Variants in TSNARE1 observed in about 807,000 individuals in gnomAD.
TSNARE1 encodes t-SNARE domain containing 1.
A neutral mutation model predicts 62.0 loss-of-function variants in TSNARE1; 49 were observed. The observed-to-expected ratio is 0.79, with a 90% CI of 0.63 to 1.00. TSNARE1 has a LOEUF of 1.00. TSNARE1 is among the 50% of genes least tolerant of loss of function. The probability of loss-of-function intolerance (pLI) is 0.00; values close to 1 mark genes in which losing one functional copy is unlikely to be tolerated. For missense variants in TSNARE1, 755 were observed against 700.1 expected (o/e 1.08, Z -0.88); for synonymous variants, 328 against 294.4 (o/e 1.11, Z -1.17).
At chr8:142,312,638 T>C (rs1827774164) in intron 9 of TSNARE1, among the ~76,000 whole-genome samples, 1 of 152,182 alleles carries the variant, frequency 6.6e-6, no homozygotes, top group African/African-American at 2.4e-5. Flanking sequence ...TCCTGTAAAG[T>C]ACTTGTTGCT....
At chr8:142,229,613 G>C in intron 12 of TSNARE1, 34 bp from the exon 13 acceptor site, 1 of 1,601,048 alleles carries the variant, frequency 6.2e-7, no homozygotes, top group Non-Finnish European at 8.5e-7. Flanking sequence ...TCCATATCCT[G>C]GTCCTCCAAC....
intron 12 of TSNARE1, among the ~76,000 whole-genome samples, chr8:142,239,399 G>A (rs1817582198): frequency 6.6e-6 from 1 of 152,160 alleles, no homozygotes; most frequent in Non-Finnish European, 1.5e-5. Flanking sequence ...GAAGTTGGAA[G>A]GGAGTAATCA....
chr8:142,300,219 C>T (rs1374362266), intron 10 of TSNARE1: 1 of 385,556 alleles, frequency 2.6e-6, no homozygotes, highest in Non-Finnish European at 4.7e-6. Flanking sequence ...CCAGCATAGA[C>T]CCCAGCTCCT....
intron 1 of TSNARE1, among the ~76,000 whole-genome samples, chr8:142,379,255 T>G (rs1307106892): frequency 6.6e-6 from 1 of 151,994 alleles, no homozygotes; most frequent in African/African-American, 2.4e-5. Context: ...CGTCACGGAG[T>G]AGGCACCACA....
At chr8:142,337,222 G>A (rs1057105690) in intron 4 of TSNARE1, among the ~76,000 whole-genome samples, 4 of 152,196 alleles carry the variant, frequency 2.6e-5, no homozygotes. Context: ...GAATAATACT[G>A]AGATGATAAA....
chr8:142,276,367 A>G, intron 11 of TSNARE1: 3 of 985,464 alleles, frequency 3.0e-6, no homozygotes, highest in Non-Finnish European at 3.6e-6. Context: ...GGTGTGACGG[A>G]TCCCCCCACA....
In TSNARE1 at chr8:142,319,230, G is replaced by C. The variant is rs192041486; in HGVS notation, c.894-596C>G. Among the ~76,000 whole-genome samples, 3 of 152,068 alleles carry C rather than the reference G, an allele frequency of 2.0e-5. No homozygotes were observed. Among genetic ancestry groups the C allele is most frequent in the African/African-American group, 7.2e-5 (3 of 41,414 alleles). On this transcript the variant is annotated intron_variant, in intron 6 of 13. Coordinates refer to ENST00000524325, the MANE Select transcript of TSNARE1 (RefSeq NM_145003.5). This position sits in a 1 kb window ranked among gnomAD's most constrained non-coding sequence, Gnocchi z 4.9. ...CCCTCCCTGCAGAAAGGCCCGTCTC[G>C]GGGTCAGCTCCCCTCGGAAAGCCAG...
intron 10 of TSNARE1, among the ~76,000 whole-genome samples, chr8:142,296,995 ACT>A (rs1824864729): frequency 6.6e-6 from 1 of 151,822 alleles, no homozygotes; most frequent in Non-Finnish European, 1.5e-5. Flanking sequence ...GGCCCGCTAC[ACT>A]CTGCCTACGG....
intron 11 of TSNARE1, among the ~76,000 whole-genome samples, chr8:142,281,256 A>C (rs1188120796): frequency 6.6e-6 from 1 of 152,042 alleles, no homozygotes; most frequent in Non-Finnish European, 1.5e-5. Flanking sequence ...CTCTTCCTCA[A>C]CTGAGGAAAA....
chr8:142,337,452 G>A (rs1490712602), intron 4 of TSNARE1, among the ~76,000 whole-genome samples: 3 of 152,240 alleles, frequency 2.0e-5, no homozygotes, highest in Non-Finnish European at 4.4e-5. Flanking sequence ...TCGATAAGTG[G>A]AAACGCAGGC....
Position 142,345,830 on chromosome 8 carries a change from T to G in TSNARE1, c.151A>C (p.Lys51Gln). Residue 51 changes from lysine (K) to glutamine (Q), a missense_variant, in exon 3 of 14, where the codon AAG becomes CAG. Transcript: ENST00000524325. ...TTCCCCACACAGCGGTTCTGCAGCT[T>G]GCTCTCTGGCGACGGGCAGGGGAAA... is the stretch of plus-strand genomic sequence containing the variant. ...RHFPCPSPES[K>Q]LQNRCVGKDG... The G allele has an allele frequency of 1.2e-6, 2 of 1,613,984 alleles. No individual in the cohort carries two copies. Among genetic ancestry groups the G allele is most frequent in the Non-Finnish European group, 1.7e-6 (2 of 1,179,928 alleles).
intron 12 of TSNARE1, chr8:142,271,792 A>C (rs1819590913): frequency 1.3e-6 from 1 of 779,704 alleles, no homozygotes; most frequent in African/African-American, 1.8e-5. Context: ...AGGCCTCTGC[A>C]CCTGGAGCTG....
At chr8:142,313,586 C>G (rs1828012185) in intron 9 of TSNARE1, among the ~76,000 whole-genome samples, 1 of 151,730 alleles carries the variant, frequency 6.6e-6, no homozygotes, top group African/African-American at 2.4e-5. Flanking sequence ...TGTTTATCTG[C>G]ATGTGTCTCT....
intron 1 of TSNARE1, among the ~76,000 whole-genome samples, chr8:142,375,089 T>A (rs1200878289): frequency 6.6e-6 from 1 of 152,140 alleles, no homozygotes; most frequent in African/African-American, 2.4e-5. Context: ...GAAACAGAAG[T>A]GGGTCTCACA....
chr8:142,271,185 G>C, intron 12 of TSNARE1: 1 of 991,804 alleles, frequency 1.0e-6, no homozygotes, highest in Non-Finnish European at 1.2e-6. Context: ...GCAGGCCCCT[G>C]GGCCACTCCA....
In TSNARE1 at chr8:142,314,551, G is replaced by T. The variant is rs977826167; in HGVS notation, c.1075-111C>A. On this transcript the variant is annotated intron_variant, in intron 8 of 13. Transcript: ENST00000524325. The stretch of plus-strand genomic sequence containing the variant: ...TCTGGACGACGGTGCAGCAAAACAC[G>T]CCTGCCACTCCCAGAAGAGGCTGCC... 4.6e-6 allele frequency: 4 copies of T among 874,428 alleles called. No homozygotes were observed. In the South Asian group the frequency reaches 6.5e-5, roughly 14 times the overall value. The allele number at this position is 874,428 out of a possible 1,614,324, so 54.2% of individuals were successfully genotyped here.
chr8:142,291,644 C>G lies in TSNARE1; in HGVS notation c.1291-7159G>C, dbSNP rs55878729. ...ACGCAGACGTGACGGGAACAGGCAACGCCGTTGCCTCCGCGGGCTTACGCT... is the reference window on the plus strand; with the variant it reads ...ACGCAGACGTGACGGGAACAGGCAAGGCCGTTGCCTCCGCGGGCTTACGCT... On this transcript the variant is annotated intron_variant, in intron 10 of 13. Transcript: ENST00000524325. This position sits in a 1 kb window ranked among gnomAD's most constrained non-coding sequence, Gnocchi z 4.8. Among the ~76,000 whole-genome samples, 1 of 151,980 alleles carries G rather than the reference C, an allele frequency of 6.6e-6. No homozygotes were observed. Among genetic ancestry groups the G allele is most frequent in the East Asian group, 1.9e-4 (1 of 5,154 alleles).
At chr8:142,346,195 CTAT>C (rs148905715) in intron 2 of TSNARE1, among the ~76,000 whole-genome samples, 15 of 152,360 alleles carry the variant, frequency 9.8e-5, no homozygotes, top group African/African-American at 3.4e-4. Context: ...CCCTGGACAG[CTAT>C]TACCAGTCAG....
At chr8:142,360,556 G>A (rs1029225877) in intron 1 of TSNARE1, among the ~76,000 whole-genome samples, 16 of 152,292 alleles carry the variant, frequency 1.1e-4, no homozygotes, top group African/African-American at 3.8e-4. Flanking sequence ...GCTTCCTACC[G>A]AGCTGCTTCC....
Sources: gnomAD v4.1 joint callset for allele counts (sites outside exome capture counted in the v4.1 genomes callset) on GRCh38, gnomAD v4.1.1 for gene constraint, Gnocchi (gnomAD v3.1) non-coding constraint, MANE v1.5 for transcripts, NCBI Gene and HGNC (gene_info 2026-07-23, HGNC 2026-07-21) for gene names.